RAD51D: variants seen among roughly 807,000 people sequenced by gnomAD.
The protein encoded by RAD51D is DNA repair protein RAD51 homolog 4.
Under a neutral mutation model 44.1 loss-of-function variants are expected in RAD51D, and 38 were observed. The observed-to-expected ratio is 0.86, with a 90% CI of 0.67 to 1.13. The LOEUF (loss-of-function observed/expected upper bound fraction) is 1.13. Among genes scored for constraint, RAD51D ranks in the 50% most tolerant of loss-of-function variants. The pLI, the probability that RAD51D is intolerant of heterozygous loss-of-function variation, is 0.00. For missense variants in RAD51D, 390 were observed against 414.0 expected (o/e 0.94, Z 0.50); for synonymous variants, 141 against 166.6 (o/e 0.85, Z 1.18).
Position 35,119,522 on chromosome 17 carries a change from A to T in RAD51D, c.82+10T>A, listed in dbSNP as rs1185845666. 2 of 1,610,668 alleles carry T rather than the reference A, an allele frequency of 1.2e-6. No homozygotes were observed. Among genetic ancestry groups the T allele is most frequent in the Admixed American group, 3.3e-5 (2 of 59,998 alleles). ...CCGCGCGGCTCCCTGGCACGCGCAC[A>T]CCCGGTCACCTGTCTTGATCCTGTG... On this transcript the variant is annotated intron_variant, in intron 1 of 9. Transcript: ENST00000345365.
In RAD51D at chr17:35,117,853, T is replaced by C. The variant is rs2091768232; in HGVS notation, c.263+648A>G. On this transcript the variant is annotated intron_variant, in intron 3 of 9. Coordinates refer to ENST00000345365, the MANE Select transcript of RAD51D (RefSeq NM_002878.4). ...CTGTTCTCTACTGCTGCAGATGTGG[T>C]GAATAAGTTCTGGGCCACATACTCC... is the stretch of plus-strand genomic sequence containing the variant. Among the ~76,000 whole-genome samples the C allele has an allele frequency of 2.0e-5, 3 of 152,272 alleles. No homozygotes were observed. The South Asian group carries it at 6.2e-4, about 32-fold the overall frequency.
chr17:35,119,246 C>A (rs1487607576), intron 1 of RAD51D, 74 bp from the exon 2 acceptor site: 2 of 1,359,042 alleles, frequency 1.5e-6, no homozygotes, highest in South Asian at 2.3e-5. Flanking sequence ...CCTCATCTGT[C>A]AAATGGGGTG....
chr17:35,109,965 C>CTTTTT (rs60553944), intron 3 of RAD51D, among the ~76,000 whole-genome samples: 3,945 of 132,706 alleles, frequency 0.03, 238 homozygotes, highest in African/African-American at 0.086. Flanking sequence ...CCACGCCTGG[C>CTTTTT]TTTTTTTTTT....
chr17:35,104,858 AG>A (rs2091580575), intron 6 of RAD51D: 1 of 143,920 alleles, frequency 6.9e-6, no homozygotes, highest in Non-Finnish European at 1.5e-5. Flanking sequence ...TTTTTAAGAC[AG>A]GGTCTTGCTA....
At chr17:35,104,571 G>T (rs2091576831) in intron 6 of RAD51D, among the ~76,000 whole-genome samples, 1 of 152,212 alleles carries the variant, frequency 6.6e-6, no homozygotes, top group African/African-American at 2.4e-5. Context: ...TTTTAGCAGA[G>T]ACGGGGTTTT....
intron 8 of RAD51D, among the ~76,000 whole-genome samples, chr17:35,101,647 A>G (rs1267218267): frequency 2.0e-5 from 3 of 152,204 alleles, no homozygotes; most frequent in African/African-American, 4.8e-5. Context: ...GAGCTCATGC[A>G]GTCCGCCAGC....
At chr17:35,118,316 C>T (rs2091772767) in intron 3 of RAD51D, among the ~76,000 whole-genome samples, 185 bp downstream of exon 3, 1 of 152,118 alleles carries the variant, frequency 6.6e-6, no homozygotes, top group South Asian at 2.1e-4. Flanking sequence ...TCAATAGTGC[C>T]AAGGCTGAGA....
chr17:35,099,617 C>G lies in RAD51D; in HGVS notation c.*1336G>C, dbSNP rs553985673. 1.0e-3 allele frequency: 365 copies of G among 358,752 alleles called. No individual in the cohort carries two copies. Among genetic ancestry groups the G allele is most frequent in the Non-Finnish European group, 1.7e-3 (308 of 183,078 alleles). The allele number at this position is 358,752 out of a possible 1,614,324, so 22.2% of individuals were successfully genotyped here. ...GCCAGTTTGCCACTCCTTCCCAATC[C>G]TCCATGATTCTATCCCTGTTGCATT... On this transcript the variant is annotated 3_prime_UTR_variant, in exon 10 of 10. Coordinates refer to ENST00000345365, the MANE Select transcript of RAD51D (RefSeq NM_002878.4).
chr17:35,095,432 T>G lies in RAD51D; in HGVS notation c.*5521A>C, dbSNP rs778665215. The stretch of plus-strand genomic sequence containing the variant: ...AAGCAGAGGTTGCAGTGAGCCAAGA[T>G]CATGCCACTGCACTCCAGCCTAGGT... On this transcript the variant is annotated 3_prime_UTR_variant, in exon 10 of 10. Transcript: ENST00000345365. The G allele has an allele frequency of 8.5e-5, 13 of 152,228 alleles. No homozygotes were observed. The highest frequency in any genetic ancestry group is 2.0e-4 in the Admixed American group (3 of 15,246). The allele number at this position is 152,228 out of a possible 1,614,324, so 9.4% of individuals were successfully genotyped here. A position where few individuals can be genotyped will look rare whatever the true frequency, so the allele number is the denominator to read the frequency against.
intron 3 of RAD51D, among the ~76,000 whole-genome samples, chr17:35,108,928 G>A (rs2091643536): frequency 6.8e-6 from 1 of 147,826 alleles, no homozygotes. Flanking sequence ...GTGCAGTGGT[G>A]CAATCTCAGC....
rs2142474030 is a variant in RAD51D at position 35,118,545 on chromosome 17, C to G, written c.219G>C (p.Glu73Asp). The G allele has an allele frequency of 6.2e-7, 1 of 1,614,182 alleles. No homozygotes were observed. Among genetic ancestry groups the G allele is most frequent in the Non-Finnish European group, 8.5e-7 (1 of 1,180,038 alleles). The stretch of plus-strand genomic sequence containing the variant: ...GGATGGCAGTGGAGGTCTTCAGTTC[C>G]TCGTAGAGATCAGCGCCATTCACGG... ...AFPVNGADLY[E>D]ELKTSTAILS... Residue 73 changes from glutamate to aspartate, a missense_variant, in exon 3 of 10, where the codon GAG (glutamate) becomes GAC (aspartate). Physicochemically the swap from Glu to Asp is conservative, Grantham distance 45. Transcript: ENST00000345365.
chr17:35,119,367 C>T, intron 1 of RAD51D, 165 bp downstream of exon 1: 1 of 947,054 alleles, frequency 1.1e-6, no homozygotes, highest in Non-Finnish European at 1.7e-6. Flanking sequence ...TGTTTTAGAG[C>T]TTGGCTCCCC....
chr17:35,119,032 G>A (rs900118046), intron 2 of RAD51D, 79 bp downstream of exon 2: 1 of 1,386,244 alleles, frequency 7.2e-7, no homozygotes, highest in South Asian at 1.2e-5. Flanking sequence ...TTACAGGCAT[G>A]AGCCACCGCG....
rs147898603 is a variant in RAD51D, at chr17:35,105,261, A to G, written c.576+1125T>C. 2.2e-3 allele frequency among the ~76,000 whole-genome samples: 340 copies of G among 152,286 alleles called. 3 individuals are homozygous for G. Among genetic ancestry groups the G allele is most frequent in the African/African-American group, 7.5e-3 (310 of 41,544 alleles). On this transcript the variant is annotated intron_variant, in intron 6 of 9. Coordinates refer to ENST00000345365, the MANE Select transcript of RAD51D (RefSeq NM_002878.4). ...ATGTCTCAACAAGCTGGTGGGTCAT[A>G]ACCAGCTATGACTTCTGAGGTAAGT... is the stretch of plus-strand genomic sequence containing the variant.
rs757099471 is a variant in RAD51D at position 35,107,043 on chromosome 17, G to C, written c.425C>G (p.Thr142Arg). Residue 142 changes from threonine to arginine, a missense_variant, in exon 5 of 10, where the codon ACA becomes AGA. Coordinates refer to ENST00000345365, the MANE Select transcript of RAD51D (RefSeq NM_002878.4). ...VLYVDSNGGL[T>R]ASRLLQLLQA... ...AAGCAGCTGGAGGAGGCGGGAAGCT[G>C]TCAGCCCTCCATTGGAATCTACATA... 1.2e-6 allele frequency: 2 copies of C among 1,614,146 alleles called. No individual in the cohort carries two copies. Among genetic ancestry groups the C allele is most frequent in the East Asian group, 4.5e-5 (2 of 44,876 alleles).
In RAD51D at chr17:35,119,591, A is replaced by T. The variant is rs2142480837; in HGVS notation, c.23T>A (p.Leu8Gln). ...CATCTCCTCGGTAAGGCCAGGGCACAGTCCGACCCTGAGCACGCCCATGTT... is the reference window on the plus strand; with the variant it reads ...CATCTCCTCGGTAAGGCCAGGGCACTGTCCGACCCTGAGCACGCCCATGTT... MGVLRVG[L>Q]CPGLTEEMIQ... The change falls in exon 1 of 10, where the codon CTG becomes CAG. Residue 8 changes from leucine to glutamine, a missense_variant. Coordinates refer to ENST00000345365, the MANE Select transcript of RAD51D (RefSeq NM_002878.4). 3 of 1,612,370 alleles carry T rather than the reference A, an allele frequency of 1.9e-6. No homozygotes were observed. In the South Asian group the frequency reaches 3.3e-5, roughly 18 times the overall value.
chr17:35,105,544 G>C (rs904240635), intron 6 of RAD51D, among the ~76,000 whole-genome samples: 10 of 152,180 alleles, frequency 6.6e-5, no homozygotes, highest in Non-Finnish European at 1.2e-4. Flanking sequence ...GTCATGCTTT[G>C]GGGTGAGAGG....
chr17:35,101,301 C>T lies in RAD51D; in HGVS notation c.803G>A (p.Trp268Ter), dbSNP rs750219200. 12 of 1,614,036 alleles carry T rather than the reference C, an allele frequency of 7.4e-6. No homozygotes were observed. Among genetic ancestry groups the T allele is most frequent in the Non-Finnish European group, 1.0e-5 (12 of 1,180,034 alleles). The change falls in exon 9 of 10, where the codon TGG (tryptophan) becomes TAG (stop). Residue 268 changes from tryptophan to a stop codon, truncating the protein, a stop_gained. Transcript: ENST00000345365. LOFTEE classifies it high-confidence loss of function. ...GRLKPALGRSWSFVPSTRILL... is the reference protein window; with the variant it reads ...GRLKPALGRS ...AATCCGAGTGCTGGGCACAAAGCTC[C>T]AGGAGCGTCCGAGGGCAGGTTTGAG... is the stretch of plus-strand genomic sequence containing the variant.
At chr17:35,107,737 C>CTTTTT (rs34531142) in intron 3 of RAD51D, among the ~76,000 whole-genome samples, 3 of 94,006 alleles carry the variant, frequency 3.2e-5, no homozygotes, top group South Asian at 4.0e-4. Flanking sequence ...TGTGGGTTTC[C>CTTTTT]TTTTTTTTTT....
Sources: allele counts gnomAD v4.1 joint callset (sites outside exome capture counted in the v4.1 genomes callset), GRCh38; gene constraint gnomAD v4.1.1; transcripts MANE v1.5; gene names NCBI Gene and HGNC (gene_info 2026-07-23, HGNC 2026-07-21).